Variants in PRKCQ observed in about 807,000 individuals in gnomAD.
The protein encoded by PRKCQ is protein kinase C theta, also known as protein kinase C theta type.
In PRKCQ, 41 loss-of-function variants were observed where a neutral mutation model predicts 91.2. The ratio of observed to expected loss-of-function variants is 0.45; its 90% CI spans 0.35 to 0.58. PRKCQ has a LOEUF of 0.58. PRKCQ is among the 20% of genes least tolerant of loss of function. The pLI is 0.00. For missense variants in PRKCQ, 673 were observed against 896.5 expected, an observed-to-expected ratio of 0.75 and a Z score of 3.18; for synonymous variants, 307 against 316.9, an observed-to-expected ratio of 0.97 and a Z score of 0.33.
chr10:6,470,411 C>A (rs934877026), intron 12 of PRKCQ, among the ~76,000 whole-genome samples: 50 of 152,194 alleles, frequency 3.3e-4, no homozygotes, highest in Admixed American at 1.2e-3. Flanking sequence ...GAGTCCCATG[C>A]GTGTCACCTC....
At chr10:6,449,836 C>A (rs1178858965) in intron 15 of PRKCQ, among the ~76,000 whole-genome samples, 2 of 152,104 alleles carry the variant, frequency 1.3e-5, no homozygotes, top group East Asian at 1.9e-4. Context: ...CCAAACTAAG[C>A]TTCATAAGTG....
chr10:6,448,307 C>T (rs978515620), intron 15 of PRKCQ, among the ~76,000 whole-genome samples: 3 of 152,070 alleles, frequency 2.0e-5, no homozygotes, highest in South Asian at 2.1e-4. Context: ...TTCCTAAAGC[C>T]GGTGGCAACT....
chr10:6,462,427 A>AAC lies in PRKCQ; in HGVS notation c.1446-63_1446-62insGT, dbSNP rs990366232. 2.0e-6 allele frequency: 3 copies of AAC among 1,467,486 alleles called. No homozygotes were observed. In the African/African-American group the frequency reaches 4.2e-5, roughly 20 times the overall value. The allele number at this position is 1,467,486 out of a possible 1,614,324, so 90.9% of individuals were successfully genotyped here. On this transcript the variant is annotated intron_variant, in intron 13 of 17. Transcript: ENST00000263125. ...GTCATGGAACGAAATAAAATCCCAA[A>AAC]CCCAGACTGACCTTTTTCTGACATG...
Position 6,491,718 on chromosome 10 carries a change from A to G in PRKCQ, c.755T>C (p.Leu252Pro). The change falls in exon 8 of 18, where the codon CTG (leucine) becomes CCG (proline). Residue 252 changes from leucine to proline, a missense_variant. Transcript: ENST00000263125. ...PTFCEHCGTL[L>P]WGLARQGLKC... Reference sequence around the variant, plus strand: ...GAGTCCTTGCCGTGCCAGTCCCCACAGCAGGGTCCCACAGTGTTCACAGAA... The same window carrying G: ...GAGTCCTTGCCGTGCCAGTCCCCACGGCAGGGTCCCACAGTGTTCACAGAA... The G allele has an allele frequency of 6.2e-7, 1 of 1,614,202 alleles. No individual in the cohort carries two copies. Among genetic ancestry groups the G allele is most frequent in the Non-Finnish European group, 8.5e-7 (1 of 1,180,036 alleles).
Position 6,576,009 on chromosome 10 carries a change from C to T in PRKCQ, c.-10+4202G>A, listed in dbSNP as rs1268658280. Among the ~76,000 whole-genome samples the T allele has an allele frequency of 6.6e-6, 1 of 152,078 alleles. No individual in the cohort carries two copies. The highest frequency in any genetic ancestry group is 1.5e-5 in the Non-Finnish European group (1 of 68,008). On this transcript the variant is annotated intron_variant, in intron 1 of 17. Transcript: ENST00000263125. This position sits in a 1 kb window ranked among gnomAD's most constrained non-coding sequence, Gnocchi z 4.2. ...GAGCTGAGATCATGCCACTGCACTC[C>T]AGCCTGGCGACACAGCGAGACTCCA...
the PRKCQ span, among the ~76,000 whole-genome samples, chr10:6,396,589 CTTATA>C: frequency 5.9e-5 from 9 of 152,220 alleles, no homozygotes; most frequent in Admixed American, 5.2e-4. Flanking sequence ...TTGAGGCTGA[CTTATA>C]TTATACCATG....
chr10:6,505,469 T>TC (rs149815375), intron 4 of PRKCQ, among the ~76,000 whole-genome samples: 3 of 144,624 alleles, frequency 2.1e-5, no homozygotes, highest in African/African-American at 7.7e-5. Context: ...AGGACCCTTT[T>TC]TCTCCTTCCT....
chr10:6,454,570 G>C (rs1834906193), intron 15 of PRKCQ, among the ~76,000 whole-genome samples: 1 of 152,116 alleles, frequency 6.6e-6, no homozygotes, highest in Admixed American at 6.5e-5. Flanking sequence ...ATAATTCCTA[G>C]TTTTCTCTCT....
intron 5 of PRKCQ, 86 bp downstream of exon 5, chr10:6,498,310 C>A (rs1484575569): frequency 6.7e-7 from 1 of 1,502,800 alleles, no homozygotes; most frequent in East Asian, 2.3e-5. Flanking sequence ...ACACCCCCCA[C>A]AGTGGAGCAT....
At chr10:6,570,472 G>C (rs1439936571) in intron 1 of PRKCQ, among the ~76,000 whole-genome samples, 3 of 151,994 alleles carry the variant, frequency 2.0e-5, no homozygotes, top group South Asian at 2.1e-4. Flanking sequence ...GAAGATAAGA[G>C]ATTGAGATTC....
At chr10:6,493,311 A>AT (rs1186061645) in intron 7 of PRKCQ, among the ~76,000 whole-genome samples, 2 of 152,194 alleles carry the variant, frequency 1.3e-5, no homozygotes, top group Non-Finnish European at 2.9e-5. Flanking sequence ...TCAAATGTCG[A>AT]TTTTTTGTTG....
intron 1 of PRKCQ, among the ~76,000 whole-genome samples, chr10:6,537,032 C>G (rs1839608889): frequency 1.3e-5 from 2 of 152,156 alleles, no homozygotes; most frequent in South Asian, 4.1e-4. Flanking sequence ...GACGATGGAA[C>G]AATTTGACAA....
chr10:6,498,628 G>T, intron 4 of PRKCQ, 70 bp from the exon 5 acceptor site: 1 of 1,503,932 alleles, frequency 6.6e-7, no homozygotes, highest in East Asian at 2.4e-5. Flanking sequence ...GCTGGGTCAG[G>T]AGGGGAGGGA....
the PRKCQ span, among the ~76,000 whole-genome samples, chr10:6,395,075 T>TC: frequency 7.3e-4 from 99 of 135,804 alleles, 1 homozygote; most frequent in African/African-American, 2.6e-3. Context: ...TTTTTTTTTT[T>TC]TTTTTGAGAC....
chr10:6,560,065 C>A (rs932439438), intron 1 of PRKCQ, among the ~76,000 whole-genome samples: 3 of 152,182 alleles, frequency 2.0e-5, no homozygotes, highest in African/African-American at 7.2e-5. Context: ...TTTAAACGCC[C>A]AGAAAAAGCC....
rs61291267 is a variant in PRKCQ, at chr10:6,445,121, C to CA, written c.1648-3041dup. Among the ~76,000 whole-genome samples the CA allele has an allele frequency of 3.1e-3, 327 of 105,390 alleles. 27 individuals carry two copies. The highest frequency in any genetic ancestry group is 9.3e-3 in the Middle Eastern group (2 of 214). 69.1% of individuals were successfully genotyped at this position (105,390 alleles called of 152,430 possible). A position where few individuals can be genotyped will look rare whatever the true frequency, so the allele number is the denominator to read the frequency against. On this transcript the variant is annotated intron_variant, in intron 15 of 17. Transcript: ENST00000263125. ...CCTAGGTGACAGAGCAAGACTCTGT[C>CA]AAAAAAAAAAAAAAAAAAAAAAAAA...
At chr10:6,438,209 A>G (rs1833795505) in intron 16 of PRKCQ, among the ~76,000 whole-genome samples, 1 of 152,198 alleles carries the variant, frequency 6.6e-6, no homozygotes. Context: ...TCTCAGATTC[A>G]AGATCTTGAT....
intron 1 of PRKCQ, among the ~76,000 whole-genome samples, chr10:6,522,068 G>A (rs370309752): frequency 1.3e-5 from 2 of 151,988 alleles, no homozygotes; most frequent in Non-Finnish European, 2.9e-5. Flanking sequence ...TCAACCTCCC[G>A]AGTAGCGGGA....
chr10:6,461,979 G>C (rs1433955747), intron 14 of PRKCQ, among the ~76,000 whole-genome samples: 1 of 152,016 alleles, frequency 6.6e-6, no homozygotes, highest in African/African-American at 2.4e-5. Context: ...GTATGAAGGG[G>C]ACAAAAGAGA....
Sources: gnomAD v4.1 joint callset for allele counts (sites outside exome capture counted in the v4.1 genomes callset) on GRCh38, gnomAD v4.1.1 for gene constraint, Gnocchi (gnomAD v3.1) non-coding constraint, MANE v1.5 for transcripts, NCBI Gene and HGNC (gene_info 2026-07-23, HGNC 2026-07-21) for gene names.